STAB2: variants seen among roughly 807,000 people sequenced by gnomAD.
STAB2 encodes stabilin 2, also known as stabilin-2.
In STAB2, 288 loss-of-function variants were observed where a neutral mutation model predicts 338.1. The observed-to-expected ratio is 0.85, with a 90% confidence interval of 0.77 to 0.94. The LOEUF is 0.94. STAB2 is among the 40% of genes least tolerant of loss of function. The pLI is 0.00. For missense variants in STAB2, 3,141 were observed against 3,210.1 expected (o/e 0.98, Z 0.52); for synonymous variants, 1,202 against 1,193.3 (o/e 1.01, Z -0.15).
rs189246902 is a variant in STAB2 at position 103,628,349 on chromosome 12, C to T, written c.488-3249C>T. 6.6e-5 allele frequency among the ~76,000 whole-genome samples: 10 copies of T among 152,252 alleles called. No individual in the cohort carries two copies. In the East Asian group the frequency reaches 9.6e-4, roughly 15 times the overall value. ...CAAAATGCCTGATAGATAGTAAGCA[C>T]TCAATAAAGAGAAGTGTGGGGCCTT... On this transcript the variant is annotated intron_variant, in intron 5 of 68. Coordinates refer to ENST00000388887, the MANE Select transcript of STAB2 (RefSeq NM_017564.10).
chr12:103,633,744 AT>A (rs1957501729), intron 6 of STAB2, among the ~76,000 whole-genome samples: 1 of 152,214 alleles, frequency 6.6e-6, no homozygotes, highest in Admixed American at 6.5e-5. Flanking sequence ...TAATCGTTAC[AT>A]ACATACTTAT....
At chr12:103,680,883 A>C (rs1173175744) in intron 25 of STAB2, among the ~76,000 whole-genome samples, 1 of 152,240 alleles carries the variant, frequency 6.6e-6, no homozygotes, top group African/African-American at 2.4e-5. Flanking sequence ...TCATTTGCTC[A>C]TTCATCCAAC....
intron 68 of STAB2, chr12:103,765,991 TC>T: frequency 1.9e-6 from 1 of 534,006 alleles, no homozygotes; most frequent in Non-Finnish European, 3.5e-6. Flanking sequence ...AATTTAATCC[TC>T]CTACCTCCCT....
chr12:103,685,451 TGTGCGC>T (rs1456867546), intron 27 of STAB2, among the ~76,000 whole-genome samples: 14 of 138,046 alleles, frequency 1.0e-4, no homozygotes, highest in African/African-American at 3.6e-4. Context: ...TGTGTGTGTG[TGTGCGC>T]GTGCGTGTGT....
chr12:103,663,206 AATGATAG>A (rs1362708317), intron 18 of STAB2, among the ~76,000 whole-genome samples: 2 of 152,192 alleles, frequency 1.3e-5, no homozygotes, highest in African/African-American at 4.8e-5. Context: ...GAATTTCCGC[AATGATAG>A]ATGCTGCCCA....
intron 30 of STAB2, among the ~76,000 whole-genome samples, chr12:103,691,063 G>C (rs1026470759): frequency 6.6e-6 from 1 of 152,192 alleles, no homozygotes; most frequent in African/African-American, 2.4e-5. Context: ...GCTGGAGATA[G>C]GGCAATGCCC....
chr12:103,734,063 T>TATGGGAGCAAGCATGATCAC (rs1566058201), intron 51 of STAB2, among the ~76,000 whole-genome samples: 1 of 142,084 alleles, frequency 7.0e-6, no homozygotes, highest in African/African-American at 2.7e-5. Context: ...AGCACGATCA[T>TATGGGAGCAAGCATGATCAC]ATGGGAGCAA....
At chr12:103,695,942 C>G in intron 33 of STAB2, 98 bp downstream of exon 33, 2 of 1,156,064 alleles carry the variant, frequency 1.7e-6, no homozygotes, top group Non-Finnish European at 2.5e-6. Context: ...ACTCCTTCAT[C>G]CTTGTCCATA....
chr12:103,676,054 GTTTCTT>G lies in STAB2; in HGVS notation c.2646+37_2646+42del. On this transcript the variant is annotated intron_variant, in intron 24 of 68. Coordinates refer to ENST00000388887, the MANE Select transcript of STAB2 (RefSeq NM_017564.10). The stretch of plus-strand genomic sequence containing the variant: ...CTGGTCTTCATTTCCACCCTGCCTG[GTTTCTT>G]TTTTTTTTTTTTTTTTTTTGAGACA... The G allele has an allele frequency of 4.8e-6, 5 of 1,037,708 alleles. No homozygotes were observed. The African/African-American group carries it at 5.5e-5, about 11-fold the overall frequency. 64.3% of individuals were successfully genotyped at this position (1,037,708 alleles called of 1,614,324 possible).
intron 3 of STAB2, among the ~76,000 whole-genome samples, chr12:103,611,095 G>A (rs1957114876): frequency 6.6e-6 from 1 of 152,176 alleles, no homozygotes; most frequent in Non-Finnish European, 1.5e-5. Context: ...GCTGAGGAGT[G>A]CTTTACTTCC....
chr12:103,592,173 T>C (rs564602665), intron 2 of STAB2: 1 of 152,290 alleles, frequency 6.6e-6, no homozygotes. Context: ...AATACGATGA[T>C]TGAAGTTCGT....
At chr12:103,621,522 C>T (rs2138634700) in intron 4 of STAB2, among the ~76,000 whole-genome samples, 1 of 152,252 alleles carries the variant, frequency 6.6e-6, no homozygotes, top group African/African-American at 2.4e-5. Context: ...CACTTGAGGC[C>T]AGGAGTTCGA....
At chr12:103,605,943 C>T (rs865972415) in intron 3 of STAB2, among the ~76,000 whole-genome samples, 4 of 151,914 alleles carry the variant, frequency 2.6e-5, no homozygotes, top group East Asian at 3.8e-4. Flanking sequence ...TATGACAGCC[C>T]ATGTCTTTTA....
chr12:103,757,279 A>G (rs1285044898), intron 63 of STAB2, among the ~76,000 whole-genome samples: 7 of 151,392 alleles, frequency 4.6e-5, no homozygotes. Flanking sequence ...GTAGAGATGG[A>G]CTCTTACTAT....
At chr12:103,598,108 A>G (rs555243774) in intron 3 of STAB2, among the ~76,000 whole-genome samples, 12 of 152,196 alleles carry the variant, frequency 7.9e-5, no homozygotes, top group Non-Finnish European at 1.8e-4. Flanking sequence ...GCTCTGAGTG[A>G]CAAATAATGC....
chr12:103,704,104 G>A (rs774424626), intron 35 of STAB2, among the ~76,000 whole-genome samples: 4 of 152,180 alleles, frequency 2.6e-5, no homozygotes, highest in Non-Finnish European at 4.4e-5. Context: ...TTAGGGACAG[G>A]TTGAGCTTGA....
intron 44 of STAB2, among the ~76,000 whole-genome samples, chr12:103,718,624 C>T (rs377512665): frequency 2.2e-4 from 33 of 152,280 alleles, no homozygotes; most frequent in East Asian, 5.8e-4. Context: ...CTAGGACCAG[C>T]GGATGGACAT....
chr12:103,644,151 G>A (rs1381718696), intron 9 of STAB2, among the ~76,000 whole-genome samples: 6 of 123,724 alleles, frequency 4.8e-5, no homozygotes, highest in African/African-American at 1.2e-4. Flanking sequence ...GTAGAAAGAG[G>A]TAGACACGGG....
At chr12:103,718,034 A>G (rs1329261872) in intron 44 of STAB2, among the ~76,000 whole-genome samples, 193 bp downstream of exon 44, 1 of 151,952 alleles carries the variant, frequency 6.6e-6, no homozygotes, top group East Asian at 1.9e-4. Flanking sequence ...ACAGTCTGCT[A>G]CCCCCAGCCT....
Sources: allele counts gnomAD v4.1 joint callset (sites outside exome capture counted in the v4.1 genomes callset), GRCh38; gene constraint gnomAD v4.1.1; transcripts MANE v1.5; gene names NCBI Gene and HGNC (gene_info 2026-07-23, HGNC 2026-07-21).